The following PCDH15 variants were observed in gnomAD, a reference collection of about 807,000 sequenced individuals.
PCDH15 encodes protocadherin related 15.
A neutral mutation model predicts 178.5 loss-of-function variants in PCDH15; 129 were observed. The observed-to-expected ratio is 0.72, with a 90% CI of 0.63 to 0.84. The LOEUF is 0.84. Among genes scored for constraint, PCDH15 ranks in the 40% least tolerant of loss-of-function variants. The pLI, the probability that PCDH15 is intolerant of heterozygous loss-of-function variation, is 0.00. For missense variants in PCDH15, 2,230 were observed against 2,099.9 expected, an observed-to-expected ratio of 1.06 and a Z score of -1.21; for synonymous variants, 800 against 732.0, an observed-to-expected ratio of 1.09 and a Z score of -1.50.
chr10:55,096,684 T>C (rs1318583802), intron 2 of PCDH15, among the ~76,000 whole-genome samples: 1 of 152,158 alleles, frequency 6.6e-6, no homozygotes, highest in Non-Finnish European at 1.5e-5. Flanking sequence ...ATTCTCTATT[T>C]CAATGAGTTT....
chr10:55,493,874 G>C (rs1840475689), intron 2 of PCDH15, among the ~76,000 whole-genome samples: 1 of 151,804 alleles, frequency 6.6e-6, no homozygotes, highest in Non-Finnish European at 1.5e-5. Context: ...ACAAAATAGA[G>C]TGTAGTGGCA....
intron 23 of PCDH15, among the ~76,000 whole-genome samples, chr10:53,949,419 G>C (rs1463681729): frequency 6.6e-6 from 1 of 152,216 alleles, no homozygotes; most frequent in East Asian, 1.9e-4. Context: ...TCTTCAGACA[G>C]CTTTCATTAA....
intron 2 of PCDH15, among the ~76,000 whole-genome samples, chr10:55,104,196 A>T (rs1830614993): frequency 6.7e-6 from 1 of 148,958 alleles, no homozygotes; most frequent in Admixed American, 6.7e-5. Context: ...CCTTTGTAGC[A>T]TTTTTTTTTT....
At chr10:53,888,663 T>TGA (rs1374783753) in intron 26 of PCDH15, among the ~76,000 whole-genome samples, 276 of 16,868 alleles carry the variant, frequency 0.016, 5 homozygotes, top group Non-Finnish European at 0.026. Context: ...CAGTTAAGTT[T>TGA]GATATATATA....
intron 18 of PCDH15, among the ~76,000 whole-genome samples, chr10:54,035,544 T>A (rs1034607054): frequency 2.0e-5 from 3 of 151,928 alleles, no homozygotes; most frequent in African/African-American, 7.2e-5. Context: ...GTATACATTT[T>A]TTTGACACAT....
chr10:55,469,776 T>C (rs897292571), intron 2 of PCDH15, among the ~76,000 whole-genome samples: 4 of 152,160 alleles, frequency 2.6e-5, no homozygotes, highest in African/African-American at 9.6e-5. Flanking sequence ...GCCACAACCA[T>C]TATCTCCCAA....
intron 1 of PCDH15, among the ~76,000 whole-genome samples, chr10:55,305,400 G>A (rs868599792): frequency 1.3e-5 from 2 of 152,212 alleles, no homozygotes; most frequent in Non-Finnish European, 2.9e-5. Flanking sequence ...TGGGCAGACA[G>A]GGACATCTGA....
intron 14 of PCDH15, among the ~76,000 whole-genome samples, chr10:54,138,547 T>C (rs2043094145): frequency 6.6e-6 from 1 of 152,184 alleles, no homozygotes; most frequent in African/African-American, 2.4e-5. Flanking sequence ...ATCTGGAGTT[T>C]GCTATTGAAT....
At chr10:55,305,062 T>G (rs1459877227) in intron 1 of PCDH15, among the ~76,000 whole-genome samples, 1 of 152,204 alleles carries the variant, frequency 6.6e-6, no homozygotes, top group African/African-American at 2.4e-5. Context: ...AAGAAGCCAC[T>G]GCTTCCATAT....
chr10:55,364,160 G>GCTTCCCCTTCCC (rs758977538), intron 2 of PCDH15, among the ~76,000 whole-genome samples: 1 of 152,014 alleles, frequency 6.6e-6, no homozygotes, highest in Admixed American at 6.6e-5. Context: ...AAAGGGCCTT[G>GCTTCCCCTTCCC]CTTCCCCTTC....
intron 2 of PCDH15, among the ~76,000 whole-genome samples, chr10:54,983,720 G>C (rs1162036833): frequency 6.6e-6 from 1 of 152,098 alleles, no homozygotes; most frequent in Non-Finnish European, 1.5e-5. Flanking sequence ...ATGATGGCTG[G>C]TGTTGATCAT....
At chr10:54,658,070 C>T (rs1173042531) in intron 2 of PCDH15, among the ~76,000 whole-genome samples, 1 of 151,974 alleles carries the variant, frequency 6.6e-6, no homozygotes, top group Non-Finnish European at 1.5e-5. Context: ...TTTGAATTAA[C>T]CCTGTCACAC....
chr10:55,347,152 T>C (rs1038643747), intron 2 of PCDH15, among the ~76,000 whole-genome samples: 11 of 151,828 alleles, frequency 7.2e-5, no homozygotes, highest in Admixed American at 2.6e-4. Context: ...GAGCTGGAGG[T>C]TGTAGTGAGA....
At position 53,853,921 on chromosome 10, in the gene PCDH15, A is replaced by C. The variant is rs555150028; in HGVS notation, c.3806+3254T>G. 4.5e-4 allele frequency among the ~76,000 whole-genome samples: 68 copies of C among 152,178 alleles called. 1 individual carries two copies. Among genetic ancestry groups the C allele is most frequent in the Admixed American group, 1.4e-3 (21 of 15,248 alleles). ...CAATCCCACTTCTGAGAATGCACTC[A>C]AAAGAATGAAAGCAGGATATAAAAG... On this transcript the variant is annotated intron_variant, in intron 28 of 37. Coordinates refer to ENST00000644397, the MANE Select transcript of PCDH15 (RefSeq NM_001384140.1).
intron 3 of PCDH15, among the ~76,000 whole-genome samples, chr10:54,884,412 C>G (rs1260655361): frequency 1.3e-5 from 2 of 151,742 alleles, no homozygotes; most frequent in Non-Finnish European, 2.9e-5. Flanking sequence ...ACTTTTCCAA[C>G]TTCACTTAAA....
chr10:54,519,219 A>C (rs891069696), intron 3 of PCDH15, among the ~76,000 whole-genome samples: 6 of 152,214 alleles, frequency 3.9e-5, no homozygotes, highest in African/African-American at 1.4e-4. Flanking sequence ...CAGGGCAATG[A>C]GGCAGGAGAA....
intron 3 of PCDH15, among the ~76,000 whole-genome samples, chr10:54,894,988 A>G (rs865978049): frequency 9.2e-5 from 14 of 152,310 alleles, no homozygotes; most frequent in Admixed American, 2.6e-4. Context: ...CAACGTGCCT[A>G]TCTATACATA....
chr10:54,368,438 A>G (rs2134690803), intron 5 of PCDH15, among the ~76,000 whole-genome samples: 1 of 152,166 alleles, frequency 6.6e-6, no homozygotes, highest in African/African-American at 2.4e-5. Context: ...GAGGTACTCT[A>G]GAAATATTTT....
At chr10:55,453,358 C>T (rs1398186196) in intron 2 of PCDH15, among the ~76,000 whole-genome samples, 1 of 152,132 alleles carries the variant, frequency 6.6e-6, no homozygotes, top group East Asian at 1.9e-4. Flanking sequence ...TGACATAGCA[C>T]CTGTACATGC....
Sources: gnomAD v4.1 joint callset for allele counts (sites outside exome capture counted in the v4.1 genomes callset) on GRCh38, gnomAD v4.1.1 for gene constraint, MANE v1.5 for transcripts, NCBI Gene and HGNC (gene_info 2026-07-23, HGNC 2026-07-21) for gene names.